The following GAB4 variants were observed in gnomAD, a reference collection of about 807,000 sequenced individuals.
The protein encoded by GAB4 is GRB2-associated-binding protein 4.
A neutral mutation model predicts 51.3 loss-of-function variants in GAB4; 26 were observed. The ratio of observed to expected loss-of-function variants is 0.51; its 90% CI spans 0.37 to 0.70. GAB4 has a LOEUF of 0.70. Ranked by LOEUF, GAB4 falls within the 30% of genes least tolerant of loss-of-function variation. The pLI, the probability that GAB4 is intolerant of heterozygous loss-of-function variation, is 0.00. For missense variants in GAB4, 759 were observed against 734.6 expected (o/e 1.03, Z -0.38); for synonymous variants, 329 against 291.2 (o/e 1.13, Z -1.32).
intron 1 of GAB4, among the ~76,000 whole-genome samples, chr22:16,998,171 A>G (rs147516555): frequency 0.016 from 2,384 of 152,232 alleles, 31 homozygotes; most frequent in Middle Eastern, 0.031. Context: ...GTTTTTTCCA[A>G]TTCTGTGAAG....
chr22:17,000,169 G>C (rs2060986082), intron 1 of GAB4, among the ~76,000 whole-genome samples: 1 of 152,212 alleles, frequency 6.6e-6, no homozygotes, highest in Non-Finnish European at 1.5e-5. Flanking sequence ...GCTTGGCGTA[G>C]AGCTGAGTTC....
intron 4 of GAB4, among the ~76,000 whole-genome samples, chr22:16,968,840 TAA>T (rs535164542): frequency 0.013 from 1,935 of 152,296 alleles, 12 homozygotes; most frequent in Non-Finnish European, 0.02. Flanking sequence ...GCTGAAACAC[TAA>T]AAAGACTGCA....
In GAB4 at chr22:16,970,918, A is replaced by T. The variant is rs551366485; in HGVS notation, c.687-725T>A. On this transcript the variant is annotated intron_variant, in intron 3 of 9. Transcript: ENST00000400588. Reference sequence around the variant, plus strand: ...TTTGGATAGAAAAAGGTTTGAAGCCAGGCACGGTGGCCCACACCTGTATTC... The same window carrying T: ...TTTGGATAGAAAAAGGTTTGAAGCCTGGCACGGTGGCCCACACCTGTATTC... 6.6e-5 allele frequency among the ~76,000 whole-genome samples: 10 copies of T among 152,280 alleles called. 1 individual carries two copies. In the South Asian group the frequency reaches 2.1e-3, roughly 32 times the overall value.
chr22:17,007,305 G>A (rs5748798), intron 1 of GAB4, among the ~76,000 whole-genome samples: 52,502 of 152,024 alleles, frequency 0.35, 9,440 homozygotes, highest in South Asian at 0.45. Context: ...TTTCTAAATC[G>A]TTTAACCACA....
intron 3 of GAB4, among the ~76,000 whole-genome samples, chr22:16,972,949 C>T (rs73145692): frequency 0.022 from 3,358 of 152,212 alleles, 58 homozygotes; most frequent in Middle Eastern, 0.068. Context: ...CCCTTCCCAC[C>T]TAGGATCCAC....
At position 17,008,167 on chromosome 22, in the gene GAB4, T is replaced by C. The variant is rs1180524267; in HGVS notation, c.-53A>G. The C allele has an allele frequency of 3.7e-6, 5 of 1,338,660 alleles. No individual in the cohort carries two copies. In the African/African-American group the frequency reaches 4.3e-5, roughly 12 times the overall value. The allele number at this position is 1,338,660 out of a possible 1,614,324, so 82.9% of individuals were successfully genotyped here. ...GGGAGACAGGGCGAGAGGGCGTTGC[T>C]GGAGGTGGGGTGTGAGGGACGGCTT... On this transcript the variant is annotated 5_prime_UTR_variant, in exon 1 of 10. Coordinates refer to ENST00000400588, the MANE Select transcript of GAB4 (RefSeq NM_001037814.1).
intron 9 of GAB4, among the ~76,000 whole-genome samples, chr22:16,963,251 G>C (rs1309211293): frequency 4.6e-5 from 7 of 152,114 alleles, no homozygotes; most frequent in African/African-American, 1.4e-4. Context: ...TCCCCAAGGG[G>C]CGCAATGCAC....
At chr22:16,970,566 G>C (rs115070009) in intron 3 of GAB4, among the ~76,000 whole-genome samples, 2,370 of 152,244 alleles carry the variant, frequency 0.016, 57 homozygotes, top group African/African-American at 0.054. Flanking sequence ...CAGCAAGCCA[G>C]GTACACTGGC....
chr22:16,975,479 GA>G (rs898494763), intron 3 of GAB4, among the ~76,000 whole-genome samples: 2 of 152,182 alleles, frequency 1.3e-5, no homozygotes, highest in African/African-American at 4.8e-5. Flanking sequence ...CTCTGGGCAG[GA>G]CATCTCTGAA....
At chr22:16,966,669 G>A (rs1346795921) in intron 5 of GAB4, 1 of 341,332 alleles carries the variant, frequency 2.9e-6, no homozygotes, top group Admixed American at 4.3e-5. Context: ...TGGGAGGTTA[G>A]GGAGTAAGAG....
chr22:16,992,604 G>A (rs2060922967), intron 1 of GAB4, among the ~76,000 whole-genome samples: 1 of 152,244 alleles, frequency 6.6e-6, no homozygotes, highest in African/African-American at 2.4e-5. Context: ...CAGTAAACAA[G>A]TAGCAGAAAA....
intron 3 of GAB4, among the ~76,000 whole-genome samples, chr22:16,980,280 C>G (rs180771037): frequency 1.9e-4 from 29 of 152,252 alleles, no homozygotes; most frequent in African/African-American, 6.7e-4. Flanking sequence ...GGGCTAATAT[C>G]CAGAATCTAC....
intron 1 of GAB4, among the ~76,000 whole-genome samples, chr22:16,995,786 G>A (rs867527387): frequency 1.3e-5 from 2 of 152,096 alleles, no homozygotes; most frequent in African/African-American, 2.4e-5. Context: ...GGACACCCAC[G>A]CAAAAACCCC....
At chr22:17,003,902 T>C (rs1336144332) in intron 1 of GAB4, among the ~76,000 whole-genome samples, 1 of 151,140 alleles carries the variant, frequency 6.6e-6, no homozygotes, top group East Asian at 1.9e-4. Flanking sequence ...TTTTAAAAAA[T>C]TAGATAGACC....
At chr22:17,000,090 T>C (rs1196375173) in intron 1 of GAB4, among the ~76,000 whole-genome samples, 1 of 151,660 alleles carries the variant, frequency 6.6e-6, no homozygotes, top group Non-Finnish European at 1.5e-5. Context: ...ATAAGTGTGA[T>C]GTGGTGCTTA....
rs1248059199 is a variant in GAB4 at position 17,005,755 on chromosome 22, T to C, written c.174+2186A>G. 5.3e-5 allele frequency among the ~76,000 whole-genome samples: 8 copies of C among 152,324 alleles called. 1 individual carries two copies. The Middle Eastern group carries it at 0.014, about 259-fold the overall frequency. ...CAAAAACTAGCAATGGGGAAAGGATTCCCTATTTAATAAATGGTGTTGGGA... is the reference window on the plus strand; with the variant it reads ...CAAAAACTAGCAATGGGGAAAGGATCCCCTATTTAATAAATGGTGTTGGGA... On this transcript the variant is annotated intron_variant, in intron 1 of 9. Coordinates refer to ENST00000400588, the MANE Select transcript of GAB4 (RefSeq NM_001037814.1).
intron 5 of GAB4, among the ~76,000 whole-genome samples, chr22:16,967,715 C>T (rs554337515): frequency 1.4e-4 from 22 of 152,340 alleles, no homozygotes; most frequent in African/African-American, 5.0e-4. Context: ...CCTTGGTTAC[C>T]TAATTCCCAC....
At chr22:17,004,100 A>G (rs2061019849) in intron 1 of GAB4, among the ~76,000 whole-genome samples, 1 of 152,200 alleles carries the variant, frequency 6.6e-6, no homozygotes, top group Non-Finnish European at 1.5e-5. Flanking sequence ...CTGGACACAT[A>G]CACCCTCCCA....
At chr22:17,007,690 C>A (rs557890755) in intron 1 of GAB4, among the ~76,000 whole-genome samples, 1 of 152,180 alleles carries the variant, frequency 6.6e-6, no homozygotes, top group East Asian at 1.9e-4. Context: ...CACTCTCCGA[C>A]CTGCAGGCCC....
Sources: gnomAD v4.1 joint callset for allele counts (sites outside exome capture counted in the v4.1 genomes callset) on GRCh38, gnomAD v4.1.1 for gene constraint, MANE v1.5 for transcripts, NCBI Gene and HGNC (gene_info 2026-07-23, HGNC 2026-07-21) for gene names.